The following NXN variants were observed in gnomAD, a reference collection of about 807,000 sequenced individuals.
NXN encodes nucleoredoxin, also known as nucleoredoxin 1.
A neutral mutation model predicts 48.6 loss-of-function variants in NXN; 16 were observed. The observed-to-expected ratio is 0.33, with a 90% confidence interval of 0.22 to 0.50. The LOEUF is 0.50. NXN is among the 20% of genes least tolerant of loss of function. NXN has a pLI of 0.98. For missense variants in NXN, 492 were observed against 605.5 expected, an observed-to-expected ratio of 0.81 and a Z score of 1.97; for synonymous variants, 281 against 269.6, an observed-to-expected ratio of 1.04 and a Z score of -0.41.
intron 1 of NXN, among the ~76,000 whole-genome samples, chr17:909,093 C>T (rs1349261403): frequency 7.1e-5 from 8 of 112,820 alleles, no homozygotes; most frequent in Admixed American, 5.0e-4. Context: ...AGTGAGACTT[C>T]GTCTCAAAAA....
At chr17:885,497 G>GAA (rs150868094) in intron 1 of NXN, among the ~76,000 whole-genome samples, 22,291 of 145,068 alleles carry the variant, frequency 0.15, 2,395 homozygotes, top group African/African-American at 0.31. Flanking sequence ...AAAAGAAAAG[G>GAA]AAAAAAAAAA....
At chr17:858,116 T>C (rs1200528896) in intron 1 of NXN, among the ~76,000 whole-genome samples, 1 of 151,934 alleles carries the variant, frequency 6.6e-6, no homozygotes, top group Non-Finnish European at 1.5e-5. Flanking sequence ...GTCACAGGTA[T>C]GCACCACCAC....
intron 1 of NXN, among the ~76,000 whole-genome samples, chr17:853,724 T>TATATATATATATA (rs61572573): frequency 4.0e-4 from 28 of 70,036 alleles, no homozygotes; most frequent in African/African-American, 5.6e-4. Flanking sequence ...TATATATATA[T>TATATATATATATA]TTTTTTTTTT....
At chr17:879,644 C>A (rs1409867940) in intron 1 of NXN, among the ~76,000 whole-genome samples, 1 of 152,028 alleles carries the variant, frequency 6.6e-6, no homozygotes, top group Non-Finnish European at 1.5e-5. Flanking sequence ...GGAAAGGACA[C>A]GACTCATTGA....
chr17:815,008 C>A (rs1157623254), intron 5 of NXN, among the ~76,000 whole-genome samples: 1 of 152,228 alleles, frequency 6.6e-6, no homozygotes, highest in South Asian at 2.1e-4. Context: ...TCAGGTGATC[C>A]ACCCACCTCG....
At chr17:850,165 G>A (rs957868529) in intron 1 of NXN, among the ~76,000 whole-genome samples, 2 of 152,168 alleles carry the variant, frequency 1.3e-5, no homozygotes, top group Admixed American at 1.3e-4. Context: ...TAGAACGCCA[G>A]AAAAAGAAAA....
intron 1 of NXN, among the ~76,000 whole-genome samples, chr17:947,603 C>T (rs184303485): frequency 9.8e-4 from 149 of 151,826 alleles, no homozygotes; most frequent in Admixed American, 2.4e-3. Context: ...AGTGGTGGCA[C>T]GTGCCTGTAA....
rs746630386 is a variant in NXN at position 830,723 on chromosome 17, G to A, written c.361-4645C>T. Among the ~76,000 whole-genome samples, 46 of 152,184 alleles carry A rather than the reference G, an allele frequency of 3.0e-4. No individual in the cohort carries two copies. The highest frequency in any genetic ancestry group is 5.1e-4 in the Non-Finnish European group (35 of 68,040). On this transcript the variant is annotated intron_variant, in intron 1 of 7. Coordinates refer to ENST00000336868, the MANE Select transcript of NXN (RefSeq NM_022463.5). This position sits in a 1 kb window ranked among gnomAD's most constrained non-coding sequence, Gnocchi z 4.2. ...ACAGTTTAAAAGGCCATTTGGGGCC[G>A]GGCACGATGGCTCACGCCTGTAATC... is the stretch of plus-strand genomic sequence containing the variant.
intron 1 of NXN, among the ~76,000 whole-genome samples, chr17:872,451 A>G (rs1166265291): frequency 6.6e-6 from 1 of 151,952 alleles, no homozygotes; most frequent in Non-Finnish European, 1.5e-5. Context: ...GGAGAGAAAG[A>G]GAGAAACACA....
At chr17:874,841 A>G (rs1349848063) in intron 1 of NXN, among the ~76,000 whole-genome samples, 2 of 152,224 alleles carry the variant, frequency 1.3e-5, no homozygotes, top group African/African-American at 4.8e-5. Flanking sequence ...ACTACTGCAC[A>G]CTCCTCCATG....
intron 1 of NXN, among the ~76,000 whole-genome samples, chr17:863,144 G>C (rs1156330951): frequency 6.6e-6 from 1 of 151,974 alleles, no homozygotes; most frequent in African/African-American, 2.4e-5. Context: ...CTGCATACAT[G>C]GGTTTCACAT....
chr17:812,821 C>T (rs534209970), intron 5 of NXN, among the ~76,000 whole-genome samples: 12 of 128,264 alleles, frequency 9.4e-5, no homozygotes, highest in East Asian at 2.3e-4. Flanking sequence ...GGTGTGTGTG[C>T]GAGTGTGCAT....
chr17:865,749 C>CAA (rs2068089315), intron 1 of NXN, among the ~76,000 whole-genome samples: 1 of 150,868 alleles, frequency 6.6e-6, no homozygotes, highest in African/African-American at 2.4e-5. Flanking sequence ...TTTGGGAGGC[C>CAA]GAGGTGGGCA....
intron 1 of NXN, among the ~76,000 whole-genome samples, chr17:939,872 G>C (rs148990066): frequency 2.6e-5 from 4 of 152,166 alleles, no homozygotes; most frequent in Non-Finnish European, 4.4e-5. Flanking sequence ...TAATTTGCAG[G>C]CATGAGCAAC....
intron 5 of NXN, among the ~76,000 whole-genome samples, chr17:810,421 A>G (rs1476585955): frequency 6.6e-6 from 1 of 152,160 alleles, no homozygotes; most frequent in Non-Finnish European, 1.5e-5. Context: ...ATGTCTAGTT[A>G]CGTTTTCTTT....
At chr17:945,418 TAA>T (rs1476238480) in intron 1 of NXN, among the ~76,000 whole-genome samples, 3 of 151,110 alleles carry the variant, frequency 2.0e-5, no homozygotes, top group Non-Finnish European at 4.4e-5. Context: ...GGGGAATAGA[TAA>T]GAGTTTCCCC....
At chr17:845,280 T>G (rs2067847871) in intron 1 of NXN, among the ~76,000 whole-genome samples, 1 of 151,568 alleles carries the variant, frequency 6.6e-6, no homozygotes, top group Non-Finnish European at 1.5e-5. Context: ...AGACTCAACA[T>G]CCGAGAGAGA....
At chr17:885,762 G>C (rs1452775250) in intron 1 of NXN, among the ~76,000 whole-genome samples, 2 of 140,472 alleles carry the variant, frequency 1.4e-5, no homozygotes, top group Non-Finnish European at 3.0e-5. Context: ...CTCACTGCAA[G>C]CTCTGCCTCC....
At position 858,785 on chromosome 17, in the gene NXN, C is replaced by T. The variant is rs58937026; in HGVS notation, c.361-32707G>A. On this transcript the variant is annotated intron_variant, in intron 1 of 7. Coordinates refer to ENST00000336868, the MANE Select transcript of NXN (RefSeq NM_022463.5). ...AGAAAACAGCCCTACGGCTTACACA[C>T]GAAGGGTCTGAGATGCTGGTTCTCA... is the stretch of plus-strand genomic sequence containing the variant. 7.4e-3 allele frequency among the ~76,000 whole-genome samples: 1,133 copies of T among 152,174 alleles called. 8 individuals are homozygous for T. Among genetic ancestry groups the T allele is most frequent in the African/African-American group, 0.025 (1,030 of 41,514 alleles).
Sources: gnomAD v4.1 joint callset for allele counts (sites outside exome capture counted in the v4.1 genomes callset) on GRCh38, gnomAD v4.1.1 for gene constraint, Gnocchi (gnomAD v3.1) non-coding constraint, MANE v1.5 for transcripts, NCBI Gene and HGNC (gene_info 2026-07-23, HGNC 2026-07-21) for gene names.